The following USP53 variants were observed in gnomAD, a reference collection of about 807,000 sequenced individuals.
The protein encoded by USP53 is ubiquitin carboxyl-terminal hydrolase 53.
A neutral mutation model predicts 94.9 loss-of-function variants in USP53; 71 were observed. The ratio of observed to expected loss-of-function variants is 0.75; its 90% CI spans 0.62 to 0.91. The LOEUF is 0.91. USP53 is among the 40% of genes least tolerant of loss of function. USP53 has a pLI of 0.00. For synonymous variants in USP53, 375 were observed against 422.7 expected (o/e 0.89, Z 1.39); for missense variants, 1,173 against 1,281.0 (o/e 0.92, Z 1.29).
chr4:119,284,114 AAG>A (rs1388451808), intron 17 of USP53, among the ~76,000 whole-genome samples: 2 of 117,788 alleles, frequency 1.7e-5, no homozygotes, highest in Non-Finnish European at 3.8e-5. Context: ...CTTTCAGGGG[AAG>A]AGTGTCCATA....
At chr4:119,232,794 T>G (rs1746239921) in intron 3 of USP53, among the ~76,000 whole-genome samples, 2 of 152,202 alleles carry the variant, frequency 1.3e-5, no homozygotes. Context: ...AGGTTTATCA[T>G]GTTTTGATAT....
chr4:119,282,758 T>TC (rs1326976132), intron 17 of USP53, among the ~76,000 whole-genome samples: 1 of 151,958 alleles, frequency 6.6e-6, no homozygotes, highest in Non-Finnish European at 1.5e-5. Context: ...CATGGTTTTT[T>TC]CCCCCAATAA....
rs575864036 is a variant in USP53, at chr4:119,261,510, A to G, written c.823-205A>G. 8.2e-4 allele frequency among the ~76,000 whole-genome samples: 125 copies of G among 152,250 alleles called. 1 individual carries two copies. The highest frequency in any genetic ancestry group is 3.0e-3 in the African/African-American group (125 of 41,534). ...ATTTGTAGTGAATTCGTTTTATTGG[A>G]CTTAAAGTTTTATGAATGAATTAAA... On this transcript the variant is annotated intron_variant, in intron 11 of 18. Transcript: ENST00000692078.
chr4:119,250,759 A>T (rs374787546), intron 7 of USP53, among the ~76,000 whole-genome samples: 1 of 152,240 alleles, frequency 6.6e-6, no homozygotes, highest in African/African-American at 2.4e-5. Context: ...TGTTAAAGAA[A>T]TAAATGCCCC....
intron 6 of USP53, among the ~76,000 whole-genome samples, chr4:119,246,139 TA>T (rs1236618799): frequency 7.2e-5 from 11 of 152,178 alleles, no homozygotes; most frequent in African/African-American, 2.4e-4. Flanking sequence ...GAGGTGGCTT[TA>T]AAACATGTCT....
chr4:119,237,902 G>T (rs1339489339), intron 4 of USP53, among the ~76,000 whole-genome samples: 1 of 152,184 alleles, frequency 6.6e-6, no homozygotes, highest in African/African-American at 2.4e-5. Context: ...ACCTCTGCTA[G>T]CTTCCTACTT....
chr4:119,236,464 A>G (rs368575454), intron 4 of USP53, among the ~76,000 whole-genome samples: 2 of 152,326 alleles, frequency 1.3e-5, no homozygotes, highest in South Asian at 2.1e-4. Context: ...CCTTTCACCA[A>G]AGATTCCTCT....
chr4:119,218,762 C>G (rs1302597763), intron 3 of USP53: 2 of 152,048 alleles, frequency 1.3e-5, no homozygotes, highest in African/African-American at 4.8e-5. Context: ...CTGACACTAT[C>G]TACTTGAAGA....
intron 3 of USP53, among the ~76,000 whole-genome samples, chr4:119,223,721 G>C (rs944989813): frequency 2.6e-4 from 39 of 152,186 alleles, no homozygotes; most frequent in African/African-American, 9.1e-4. Flanking sequence ...AGGTGGTTTG[G>C]TTAGAAGTAA....
At chr4:119,238,605 C>T (rs969929426) in intron 4 of USP53, among the ~76,000 whole-genome samples, 1 of 152,172 alleles carries the variant, frequency 6.6e-6, no homozygotes, top group Non-Finnish European at 1.5e-5. Context: ...GGTAGATTGG[C>T]TTGCTACAGG....
At chr4:119,221,216 C>T (rs1321411875) in intron 3 of USP53, 1 of 152,064 alleles carries the variant, frequency 6.6e-6, no homozygotes, top group Non-Finnish European at 1.5e-5. Context: ...CTGAAAATAT[C>T]AAATAGTTAC....
At chr4:119,270,814 C>T (rs1228953354) in intron 15 of USP53, among the ~76,000 whole-genome samples, 1 of 152,140 alleles carries the variant, frequency 6.6e-6, no homozygotes, top group African/African-American at 2.4e-5. Flanking sequence ...CATAAAATTC[C>T]TTCAGAGGAA....
chr4:119,247,266 T>G (rs1270248421), intron 6 of USP53, among the ~76,000 whole-genome samples: 1 of 152,182 alleles, frequency 6.6e-6, no homozygotes, highest in Admixed American at 6.5e-5. Context: ...AAAACACACA[T>G]AAACACATTG....
rs3749590 is a variant in USP53 at position 119,292,672 on chromosome 4, C to G, written c.2683C>G (p.Leu895Val). 5.4e-5 allele frequency: 87 copies of G among 1,613,990 alleles called. No individual in the cohort carries two copies. The highest frequency in any genetic ancestry group is 7.0e-5 in the Non-Finnish European group (83 of 1,179,976). The change falls in exon 19 of 19, where the codon CTA (leucine) becomes GTA (valine). Residue 895 changes from leucine to valine, a missense_variant. Leu to Val is a conservative substitution (Grantham distance 32). Transcript: ENST00000692078. ...IMDQCYFENS[L>V]STECIIRSAS... ...GGATCAATGTTACTTTGAGAACTCT[C>G]TATCCACAGAATGTATAATTCGGTC...
chr4:119,276,071 C>G (rs1415550203), intron 17 of USP53, among the ~76,000 whole-genome samples: 1 of 122,972 alleles, frequency 8.1e-6, no homozygotes, highest in East Asian at 2.4e-4. Context: ...TCCTCGTTTC[C>G]TAATTGAATA....
chr4:119,245,809 A>G (rs1748154767), intron 6 of USP53, among the ~76,000 whole-genome samples: 1 of 152,174 alleles, frequency 6.6e-6, no homozygotes, highest in Non-Finnish European at 1.5e-5. Flanking sequence ...TTGTATTCTT[A>G]TAGAGGAGGA....
At chr4:119,267,517 C>G (rs758948281) in intron 13 of USP53, 35 bp downstream of exon 13, 1 of 1,583,844 alleles carries the variant, frequency 6.3e-7, no homozygotes, top group Admixed American at 1.8e-5. Context: ...CAATGTTTTT[C>G]TATTATCACA....
Position 119,268,438 on chromosome 4 carries a change from C to T in USP53, c.1288+18C>T. On this transcript the variant is annotated intron_variant, in intron 14 of 18. Transcript: ENST00000692078. ...AGGACCAGGTATGTGTTTAAATTGT[C>T]ATTTTTACATAGTTCCAAGTGAGTG... 6.3e-7 allele frequency: 1 copy of T among 1,589,748 alleles called. No homozygotes were observed. The highest frequency in any genetic ancestry group is 8.6e-7 in the Non-Finnish European group (1 of 1,168,090).
chr4:119,214,748 A>G (rs1743486097), intron 2 of USP53, among the ~76,000 whole-genome samples: 1 of 152,116 alleles, frequency 6.6e-6, no homozygotes, highest in Admixed American at 6.5e-5. Flanking sequence ...TTGGTACCAT[A>G]TGGTTTACAA....
Sources: allele counts gnomAD v4.1 joint callset (sites outside exome capture counted in the v4.1 genomes callset), GRCh38; gene constraint gnomAD v4.1.1; transcripts MANE v1.5; gene names NCBI Gene and HGNC (gene_info 2026-07-23, HGNC 2026-07-21).